Variants in DTD1 observed in about 807,000 individuals in gnomAD.
DTD1 encodes D-aminoacyl-tRNA deacylase 1.
DTD1 carries 13 observed loss-of-function variants against 25.6 expected under a neutral mutation model. The ratio of observed to expected loss-of-function variants is 0.51; its 90% CI spans 0.33 to 0.81. DTD1 has a LOEUF of 0.81. DTD1 is among the 30% of genes least tolerant of loss of function. The probability of loss-of-function intolerance (pLI) is 0.02; values close to 1 mark genes in which losing one functional copy is unlikely to be tolerated. For synonymous variants in DTD1, 110 were observed against 103.6 expected (o/e 1.06, Z -0.37); for missense variants, 193 against 266.4 (o/e 0.72, Z 1.92).
At chr20:18,686,856 T>C (rs929194907) in intron 4 of DTD1, among the ~76,000 whole-genome samples, 7 of 152,182 alleles carry the variant, frequency 4.6e-5, no homozygotes, top group African/African-American at 1.7e-4. Context: ...GCAGAAAGTC[T>C]TGGGGAAGAG....
chr20:18,711,908 C>T lies in DTD1; in HGVS notation c.478-32192C>T, dbSNP rs1019255338. ...AAAATATAAAAATTAGCCAGGAGGCCGGGGTGGGGGTTGCCGGGGGTCGGG... is the reference window on the plus strand; with the variant it reads ...AAAATATAAAAATTAGCCAGGAGGCTGGGGTGGGGGTTGCCGGGGGTCGGG... On this transcript the variant is annotated intron_variant, in intron 4 of 5. Transcript: ENST00000377452. Among the ~76,000 whole-genome samples, 9 of 72,220 alleles carry T rather than the reference C, an allele frequency of 1.2e-4. No homozygotes were observed. In the South Asian group the frequency reaches 1.5e-3, roughly 12 times the overall value. The allele number at this position is 72,220 out of a possible 152,430, so 47.4% of individuals were successfully genotyped here. A position where few individuals can be genotyped will look rare whatever the true frequency, so the allele number is the denominator to read the frequency against.
intron 3 of DTD1, among the ~76,000 whole-genome samples, chr20:18,621,636 T>C (rs1568648819): frequency 6.6e-6 from 1 of 152,214 alleles, no homozygotes; most frequent in Non-Finnish European, 1.5e-5. Flanking sequence ...TTAATAAAAA[T>C]CTTATGTATT....
At chr20:18,706,262 C>G (rs1482268727) in intron 4 of DTD1, among the ~76,000 whole-genome samples, 1 of 152,146 alleles carries the variant, frequency 6.6e-6, no homozygotes, top group Non-Finnish European at 1.5e-5. Flanking sequence ...TTGCGCCACA[C>G]CCTGTGTTCA....
intron 4 of DTD1, among the ~76,000 whole-genome samples, chr20:18,730,796 T>A (rs1330620595): frequency 6.6e-6 from 1 of 152,240 alleles, no homozygotes; most frequent in African/African-American, 2.4e-5. Context: ...CATTTATTCA[T>A]TTATTTTTTA....
At chr20:18,656,519 C>A (rs1421362579) in intron 4 of DTD1, among the ~76,000 whole-genome samples, 1 of 152,218 alleles carries the variant, frequency 6.6e-6, no homozygotes, top group Non-Finnish European at 1.5e-5. Flanking sequence ...TCTTACACAT[C>A]ACCTCTGCTC....
At chr20:18,757,505 C>T (rs1480488787) in intron 5 of DTD1, among the ~76,000 whole-genome samples, 1 of 152,156 alleles carries the variant, frequency 6.6e-6, no homozygotes, top group African/African-American at 2.4e-5. Flanking sequence ...TTGTCAAAGG[C>T]CTGTTCTGCA....
intron 4 of DTD1, among the ~76,000 whole-genome samples, chr20:18,673,191 C>A (rs2060957122): frequency 6.6e-6 from 1 of 152,134 alleles, no homozygotes; most frequent in African/African-American, 2.4e-5. Context: ...TTTAATCTGT[C>A]CAGTATGTTC....
intron 4 of DTD1, among the ~76,000 whole-genome samples, chr20:18,660,308 C>T (rs1043180829): frequency 2.0e-5 from 3 of 152,200 alleles, no homozygotes; most frequent in Admixed American, 1.3e-4. Context: ...CAGCCTCAAC[C>T]TCCCAGACTC....
chr20:18,659,006 C>T (rs1282458623), intron 4 of DTD1, among the ~76,000 whole-genome samples: 1 of 151,998 alleles, frequency 6.6e-6, no homozygotes, highest in Non-Finnish European at 1.5e-5. Flanking sequence ...GCATCTGGCA[C>T]ATTTTAGGAA....
At chr20:18,731,005 G>A (rs1013305569) in intron 4 of DTD1, among the ~76,000 whole-genome samples, 1 of 152,170 alleles carries the variant, frequency 6.6e-6, no homozygotes, top group East Asian at 1.9e-4. Context: ...CCAACATATA[G>A]TTTGTCAGTG....
chr20:18,626,308 T>C (rs896272138), intron 3 of DTD1, among the ~76,000 whole-genome samples: 1 of 152,154 alleles, frequency 6.6e-6, no homozygotes, highest in Non-Finnish European at 1.5e-5. Flanking sequence ...CAGAGGGGCA[T>C]GGACACCAGT....
intron 3 of DTD1, among the ~76,000 whole-genome samples, chr20:18,618,941 G>C (rs2060721551): frequency 6.6e-6 from 1 of 152,110 alleles, no homozygotes; most frequent in South Asian, 2.1e-4. Context: ...TCGAACTCTT[G>C]ATCTCAGGTA....
intron 4 of DTD1, among the ~76,000 whole-genome samples, chr20:18,640,048 A>C (rs544374294): frequency 8.3e-6 from 1 of 120,278 alleles, no homozygotes; most frequent in Non-Finnish European, 1.9e-5. Context: ...TTATGCTCTG[A>C]GGATTTTTTT....
At chr20:18,694,431 G>A (rs2061061764) in intron 4 of DTD1, among the ~76,000 whole-genome samples, 1 of 152,192 alleles carries the variant, frequency 6.6e-6, no homozygotes, top group Admixed American at 6.5e-5. Flanking sequence ...TCTTACCCTG[G>A]TTAGTGAGGC....
At chr20:18,725,723 T>C (rs1174821597) in intron 4 of DTD1, among the ~76,000 whole-genome samples, 1 of 152,186 alleles carries the variant, frequency 6.6e-6, no homozygotes, top group East Asian at 1.9e-4. Context: ...TTACAGAGGC[T>C]CACATCTCTC....
At chr20:18,743,994 G>GA in intron 4 of DTD1, 106 bp from the exon 5 acceptor site, 1 of 1,299,994 alleles carries the variant, frequency 7.7e-7, no homozygotes, top group Non-Finnish European at 1.0e-6. Context: ...CAGGTTATCA[G>GA]AAAAAAACTT....
intron 4 of DTD1, among the ~76,000 whole-genome samples, chr20:18,659,961 T>C (rs943037622): frequency 3.3e-5 from 5 of 152,134 alleles, no homozygotes; most frequent in African/African-American, 4.8e-5. Flanking sequence ...CAGCTGGGCA[T>C]GGTGGCTCAC....
intron 4 of DTD1, among the ~76,000 whole-genome samples, chr20:18,683,693 C>T (rs1006882446): frequency 6.6e-6 from 1 of 152,190 alleles, no homozygotes; most frequent in Non-Finnish European, 1.5e-5. Context: ...TAGCCTGATG[C>T]AGTTTATGCT....
chr20:18,653,423 T>C (rs2060880920), intron 4 of DTD1, among the ~76,000 whole-genome samples: 2 of 152,194 alleles, frequency 1.3e-5, no homozygotes, highest in Non-Finnish European at 2.9e-5. Context: ...ATAAATTAGC[T>C]GTCTTTGAAC....
Sources: gnomAD v4.1 joint callset for allele counts (sites outside exome capture counted in the v4.1 genomes callset) on GRCh38, gnomAD v4.1.1 for gene constraint, MANE v1.5 for transcripts, NCBI Gene and HGNC (gene_info 2026-07-23, HGNC 2026-07-21) for gene names.